Variants in GRHL2 observed in about 807,000 individuals in gnomAD.
The protein encoded by GRHL2 is grainyhead-like protein 2 homolog.
A neutral mutation model predicts 83.8 loss-of-function variants in GRHL2; 21 were observed. The observed-to-expected ratio is 0.25, with a 90% CI of 0.18 to 0.36. The LOEUF is 0.36. Among genes scored for constraint, GRHL2 ranks in the 10% least tolerant of loss-of-function variants. GRHL2 has a pLI of 1.00. For missense variants in GRHL2, 623 were observed against 781.8 expected (o/e 0.80, Z 2.42); for synonymous variants, 280 against 278.9 (o/e 1.00, Z -0.04).
At position 101,565,384 on chromosome 8, in the gene GRHL2, GT is replaced by G. The variant is rs1361905463; in HGVS notation, c.679-4953del. 7.9e-5 allele frequency among the ~76,000 whole-genome samples: 12 copies of G among 152,272 alleles called. No homozygotes were observed. In the East Asian group the frequency reaches 2.3e-3, roughly 29 times the overall value. Reference sequence around the variant, plus strand: ...CTGTACTACAGTTTTCTATAAGTCAGTTAACAATAGTTTCTGGTTTAGGAAC... The same window carrying G: ...CTGTACTACAGTTTTCTATAAGTCAGTAACAATAGTTTCTGGTTTAGGAAC... On this transcript the variant is annotated intron_variant, in intron 4 of 15. Coordinates refer to ENST00000646743, the MANE Select transcript of GRHL2 (RefSeq NM_024915.4).
rs371662487 is a variant in GRHL2 at position 101,612,520 on chromosome 8, G to GATAGATAGATAGATAC, written c.1099-7016_1099-7015insGATAGATAGATACATA. On this transcript the variant is annotated intron_variant, in intron 8 of 15. Coordinates refer to ENST00000646743, the MANE Select transcript of GRHL2 (RefSeq NM_024915.4). Reference sequence around the variant, plus strand: ...AGATAGATAGATAGATAGATAGATAGATACATACATACATACATACATACA... The same window carrying GATAGATAGATAGATAC: ...AGATAGATAGATAGATAGATAGATAGATAGATAGATAGATACATACATACATACATACATACATACA... 6.4e-3 allele frequency among the ~76,000 whole-genome samples: 788 copies of GATAGATAGATAGATAC among 123,752 alleles called. 20 individuals are homozygous for GATAGATAGATAGATAC. The highest frequency in any genetic ancestry group is 0.019 in the African/African-American group (557 of 29,994). 81.2% of individuals were successfully genotyped at this position (123,752 alleles called of 152,430 possible).
At chr8:101,517,476 A>G (rs1810595350) in intron 1 of GRHL2, among the ~76,000 whole-genome samples, 1 of 152,198 alleles carries the variant, frequency 6.6e-6, no homozygotes, top group Non-Finnish European at 1.5e-5. Flanking sequence ...ACTAATGGCC[A>G]CCAGCGCAAA....
At chr8:101,541,963 A>T (rs934689948) in intron 1 of GRHL2, among the ~76,000 whole-genome samples, 7 of 152,046 alleles carry the variant, frequency 4.6e-5, no homozygotes, top group African/African-American at 1.7e-4. Flanking sequence ...TTTTTATATC[A>T]CCTAAATATT....
At position 101,552,799 on chromosome 8, in the gene GRHL2, G is replaced by A. The variant is rs1172185823; in HGVS notation, c.284+17G>A. Reference sequence around the variant, plus strand: ...GGAGAAAAGGTAAAGGAATTTGCCTGGCCCCCAGAATAACTCTATGTTTTC... The same window carrying A: ...GGAGAAAAGGTAAAGGAATTTGCCTAGCCCCCAGAATAACTCTATGTTTTC... On this transcript the variant is annotated intron_variant, in intron 3 of 15. Coordinates refer to ENST00000646743, the MANE Select transcript of GRHL2 (RefSeq NM_024915.4). The A allele has an allele frequency of 6.2e-6, 10 of 1,610,282 alleles. No individual in the cohort carries two copies. Among genetic ancestry groups the A allele is most frequent in the African/African-American group, 1.3e-5 (1 of 74,836 alleles).
At chr8:101,602,377 C>T (rs922653108) in intron 8 of GRHL2, among the ~76,000 whole-genome samples, 3 of 152,150 alleles carry the variant, frequency 2.0e-5, no homozygotes, top group Non-Finnish European at 2.9e-5. Context: ...TTCAAATTCC[C>T]GTTGGTAACG....
intron 7 of GRHL2, among the ~76,000 whole-genome samples, chr8:101,598,231 G>T (rs1812436561): frequency 7.5e-6 from 1 of 133,450 alleles, no homozygotes; most frequent in Non-Finnish European, 1.5e-5. Flanking sequence ...CCATACCTAA[G>T]TCCAAAAAGA....
At chr8:101,582,237 CAAA>C (rs4002335) in intron 7 of GRHL2, among the ~76,000 whole-genome samples, 2 of 134,850 alleles carry the variant, frequency 1.5e-5, no homozygotes, top group South Asian at 2.4e-4. Context: ...GACTCCGTCT[CAAA>C]AAAAAAAAAA....
At chr8:101,505,502 G>C (rs889934285) in intron 1 of GRHL2, among the ~76,000 whole-genome samples, 1 of 150,672 alleles carries the variant, frequency 6.6e-6, no homozygotes, top group Non-Finnish European at 1.5e-5. Context: ...TCTTGAACCT[G>C]GGACGCGGAG....
the GRHL2 span, among the ~76,000 whole-genome samples, chr8:101,675,308 C>A: frequency 6.6e-6 from 1 of 152,098 alleles, no homozygotes; most frequent in Non-Finnish European, 1.5e-5. Context: ...ATCTAGAAAA[C>A]CCCATCGTCT....
intron 1 of GRHL2, among the ~76,000 whole-genome samples, chr8:101,539,994 A>G (rs917425708): frequency 1.3e-5 from 2 of 152,232 alleles, no homozygotes; most frequent in Admixed American, 1.3e-4. Flanking sequence ...CAACCAGCAC[A>G]ATGTCTGGCA....
intron 9 of GRHL2, among the ~76,000 whole-genome samples, chr8:101,625,606 T>C (rs1813065343): frequency 2.0e-5 from 3 of 152,210 alleles, no homozygotes; most frequent in South Asian, 2.1e-4. Flanking sequence ...AAGAGGGTAA[T>C]CTGTGGCAAG....
chr8:101,500,135 A>G (rs183008782), intron 1 of GRHL2, among the ~76,000 whole-genome samples: 1 of 152,032 alleles, frequency 6.6e-6, no homozygotes, highest in Admixed American at 6.6e-5. Context: ...AAACAACAAC[A>G]AAAAAAACTA....
the GRHL2 span, among the ~76,000 whole-genome samples, chr8:101,676,711 G>T: frequency 2.0e-5 from 3 of 152,110 alleles, no homozygotes; most frequent in Non-Finnish European, 4.4e-5. Flanking sequence ...CCATTACTGG[G>T]TATATACCCA....
chr8:101,644,023 G>A, intron 12 of GRHL2, 108 bp from the exon 13 acceptor site: 1 of 946,370 alleles, frequency 1.1e-6, no homozygotes, highest in Non-Finnish European at 1.7e-6. Flanking sequence ...CAGTTACGGA[G>A]CATAGGGACG....
chr8:101,511,300 AT>A (rs1298126115), intron 1 of GRHL2, among the ~76,000 whole-genome samples: 3 of 152,200 alleles, frequency 2.0e-5, no homozygotes, highest in Non-Finnish European at 4.4e-5. Flanking sequence ...GGCTAAGCAT[AT>A]TGAAGCCTTT....
At chr8:101,632,452 C>G in intron 11 of GRHL2, 87 bp downstream of exon 11, 1 of 1,502,002 alleles carries the variant, frequency 6.7e-7, no homozygotes, top group Non-Finnish European at 9.3e-7. Flanking sequence ...CAGTGTTGAC[C>G]TCAAAAATAA....
At chr8:101,534,086 G>T (rs1473781061) in intron 1 of GRHL2, among the ~76,000 whole-genome samples, 1 of 152,200 alleles carries the variant, frequency 6.6e-6, no homozygotes, top group Non-Finnish European at 1.5e-5. Context: ...AATCATAAAA[G>T]CAGGGAAACC....
At chr8:101,497,134 A>C (rs1810123693) in intron 1 of GRHL2, among the ~76,000 whole-genome samples, 1 of 152,220 alleles carries the variant, frequency 6.6e-6, no homozygotes, top group Non-Finnish European at 1.5e-5. Context: ...ACAATGGATT[A>C]AATCTTGTAC....
At chr8:101,540,850 T>G (rs904393713) in intron 1 of GRHL2, among the ~76,000 whole-genome samples, 5 of 152,120 alleles carry the variant, frequency 3.3e-5, no homozygotes, top group African/African-American at 1.2e-4. Flanking sequence ...TTCAATAGCT[T>G]TAGGGGTACA....
Sources: gnomAD v4.1 joint callset for allele counts (sites outside exome capture counted in the v4.1 genomes callset) on GRCh38, gnomAD v4.1.1 for gene constraint, MANE v1.5 for transcripts, NCBI Gene and HGNC (gene_info 2026-07-23, HGNC 2026-07-21) for gene names.